The following CSNK1G1 variants were observed in gnomAD, a reference collection of about 807,000 sequenced individuals.
The protein encoded by CSNK1G1 is casein kinase 1 gamma 1.
Under a neutral mutation model 59.6 loss-of-function variants are expected in CSNK1G1, and 22 were observed. The observed-to-expected ratio is 0.37, with a 90% CI of 0.26 to 0.53. The LOEUF (loss-of-function observed/expected upper bound fraction) is 0.53, where lower values mean the gene tolerates loss of function less well. CSNK1G1 is among the 20% of genes least tolerant of loss of function. The probability of loss-of-function intolerance (pLI) is 0.89; values close to 1 mark genes in which losing one functional copy is unlikely to be tolerated. For synonymous variants in CSNK1G1, 179 were observed against 177.1 expected, an observed-to-expected ratio of 1.01 and a Z score of -0.08; for missense variants, 384 against 519.5, an observed-to-expected ratio of 0.74 and a Z score of 2.54.
intron 4 of CSNK1G1, among the ~76,000 whole-genome samples, chr15:64,238,516 A>ATATAT (rs1270803353): frequency 1.2e-4 from 11 of 89,956 alleles, no homozygotes; most frequent in East Asian, 3.3e-4. Context: ...AAAAAAAAAA[A>ATATAT]AAATATATAT....
At chr15:64,196,226 A>G (rs562645293) in intron 10 of CSNK1G1, among the ~76,000 whole-genome samples, 78 of 152,318 alleles carry the variant, frequency 5.1e-4, no homozygotes, top group African/African-American at 1.9e-3. Context: ...CTATTAAAAA[A>G]AAAGAAGTGC....
intron 1 of CSNK1G1, chr15:64,342,808 C>G (rs1361899911): frequency 6.6e-6 from 1 of 152,202 alleles, no homozygotes; most frequent in Non-Finnish European, 1.5e-5. Flanking sequence ...CCTCTCTTAA[C>G]AGCAGTTCCC....
intron 6 of CSNK1G1, among the ~76,000 whole-genome samples, chr15:64,212,183 A>G (rs1476562453): frequency 6.6e-6 from 1 of 152,246 alleles, no homozygotes; most frequent in Admixed American, 6.5e-5. Flanking sequence ...TAACGCTGAT[A>G]GTAAGTACCA....
At chr15:64,263,392 T>A (rs532991103) in intron 2 of CSNK1G1, among the ~76,000 whole-genome samples, 5 of 152,204 alleles carry the variant, frequency 3.3e-5, no homozygotes, top group Middle Eastern at 3.4e-3. Flanking sequence ...TTTCGCCATG[T>A]TGGCCAGGAT....
intron 1 of CSNK1G1, among the ~76,000 whole-genome samples, chr15:64,311,004 A>T (rs1596259255): frequency 9.5e-4 from 1 of 1,050 alleles, no homozygotes; most frequent in African/African-American, 1.5e-3. Flanking sequence ...ACTCCATCTC[A>T]AAAAAAAAAA....
chr15:64,347,171 G>A (rs1444391067), intron 1 of CSNK1G1, among the ~76,000 whole-genome samples: 2 of 152,088 alleles, frequency 1.3e-5, no homozygotes, highest in African/African-American at 2.4e-5. Flanking sequence ...GTGAAACAAC[G>A]GGAACTCTTG....
chr15:64,283,976 C>T (rs1339711467), intron 2 of CSNK1G1, among the ~76,000 whole-genome samples: 2 of 152,004 alleles, frequency 1.3e-5, no homozygotes, highest in Admixed American at 1.3e-4. Flanking sequence ...TTGACTCTTA[C>T]ATTTAGTCCT....
intron 3 of CSNK1G1, among the ~76,000 whole-genome samples, chr15:64,252,705 T>C (rs1281117159): frequency 1.3e-5 from 2 of 152,162 alleles, no homozygotes; most frequent in African/African-American, 4.8e-5. Context: ...TAAATGCAAT[T>C]AAAATATGTA....
At chr15:64,323,398 T>C (rs1054198061) in intron 1 of CSNK1G1, among the ~76,000 whole-genome samples, 5 of 151,810 alleles carry the variant, frequency 3.3e-5, no homozygotes, top group Non-Finnish European at 7.4e-5. Context: ...AGAGTTTCAC[T>C]TTTGTTGCCC....
chr15:64,197,854 T>C (rs1424776169), intron 10 of CSNK1G1, among the ~76,000 whole-genome samples: 1 of 152,170 alleles, frequency 6.6e-6, no homozygotes, highest in African/African-American at 2.4e-5. Flanking sequence ...CAACCTACTT[T>C]CCTAGCCTTG....
At chr15:64,186,966 G>A (rs1273811780) in intron 10 of CSNK1G1, among the ~76,000 whole-genome samples, 3 of 151,858 alleles carry the variant, frequency 2.0e-5, no homozygotes, top group African/African-American at 7.3e-5. Context: ...GGAACTATAG[G>A]CATGCGCCAC....
intron 2 of CSNK1G1, among the ~76,000 whole-genome samples, chr15:64,273,909 C>A (rs747705656): frequency 1.3e-5 from 2 of 152,212 alleles, no homozygotes; most frequent in African/African-American, 2.4e-5. Flanking sequence ...TAAACAATAT[C>A]ATTCCACGCT....
chr15:64,242,768 G>A (rs1159009235), intron 4 of CSNK1G1, among the ~76,000 whole-genome samples: 2 of 152,012 alleles, frequency 1.3e-5, no homozygotes, highest in African/African-American at 4.8e-5. Context: ...ACCAGACCAG[G>A]ACACAACAAC....
intron 3 of CSNK1G1, among the ~76,000 whole-genome samples, chr15:64,258,836 AAAAT>A (rs1892535332): frequency 1.3e-5 from 2 of 152,284 alleles, no homozygotes; most frequent in South Asian, 4.1e-4. Context: ...CTAAGTACAA[AAAAT>A]AAATCAGTTA....
At chr15:64,202,962 G>A (rs2082126840) in intron 10 of CSNK1G1, 120 bp downstream of exon 10, 1 of 760,008 alleles carries the variant, frequency 1.3e-6, no homozygotes, top group Admixed American at 2.1e-5. Context: ...TGTAAGAAAT[G>A]GCAAGCATTT....
At chr15:64,251,364 G>A in intron 4 of CSNK1G1, 148 bp downstream of exon 4, 3 of 572,512 alleles carry the variant, frequency 5.2e-6, no homozygotes, top group Non-Finnish European at 9.3e-6. Flanking sequence ...AAGTAGCTTT[G>A]TGGTTGACTA....
intron 4 of CSNK1G1, among the ~76,000 whole-genome samples, chr15:64,218,809 G>C (rs2082346004): frequency 6.8e-6 from 1 of 147,286 alleles, no homozygotes; most frequent in African/African-American, 2.5e-5. Flanking sequence ...TTGTTGTCTT[G>C]ATTCTCCCTA....
intron 4 of CSNK1G1, among the ~76,000 whole-genome samples, chr15:64,242,339 C>T (rs1355417435): frequency 6.6e-6 from 1 of 152,072 alleles, no homozygotes; most frequent in African/African-American, 2.4e-5. Context: ...TGAATCATGG[C>T]GGTGCTGTCT....
Position 64,241,400 on chromosome 15 carries a change from G to A in CSNK1G1, c.292+10112C>T, listed in dbSNP as rs529365130. On this transcript the variant is annotated intron_variant, in intron 4 of 11. Coordinates refer to ENST00000303052, the MANE Select transcript of CSNK1G1 (RefSeq NM_022048.5). The stretch of plus-strand genomic sequence containing the variant: ...TAATGGGAAAGATAGATTCCAGTAC[G>A]ATAATTGTTGGGGGCTTCAACATCC... Among the ~76,000 whole-genome samples, 5 of 152,234 alleles carry A rather than the reference G, an allele frequency of 3.3e-5. No homozygotes were observed. In the East Asian group the frequency reaches 5.8e-4, roughly 18 times the overall value.
Sources: gnomAD v4.1 joint callset for allele counts (sites outside exome capture counted in the v4.1 genomes callset) on GRCh38, gnomAD v4.1.1 for gene constraint, MANE v1.5 for transcripts, NCBI Gene and HGNC (gene_info 2026-07-23, HGNC 2026-07-21) for gene names.